ZNF516: variants seen among roughly 807,000 people sequenced by gnomAD.
ZNF516 encodes the protein zinc finger protein 516.
In ZNF516, 19 loss-of-function variants were observed where a neutral mutation model predicts 79.7. The ratio of observed to expected loss-of-function variants is 0.24; its 90% CI spans 0.17 to 0.35. ZNF516 has a LOEUF of 0.35. Ranked by LOEUF, ZNF516 falls within the 10% of genes least tolerant of loss-of-function variation. ZNF516 has a pLI of 1.00. For missense variants in ZNF516, 1,678 were observed against 1,679.5 expected, an observed-to-expected ratio of 1.00 and a Z score of 0.02; for synonymous variants, 877 against 739.5, an observed-to-expected ratio of 1.19 and a Z score of -3.02.
chr18:76,456,724 C>T (rs1912747425), intron 2 of ZNF516, among the ~76,000 whole-genome samples: 1 of 92,906 alleles, frequency 1.1e-5, no homozygotes, highest in Admixed American at 1.2e-4. Context: ...GAAGGCAAAA[C>T]TCACTGATTC....
intron 4 of ZNF516, among the ~76,000 whole-genome samples, chr18:76,377,206 G>A (rs761119377): frequency 7.2e-5 from 11 of 152,338 alleles, no homozygotes; most frequent in Non-Finnish European, 1.5e-4. Flanking sequence ...GCACATGGGC[G>A]GGGAGAAGAT....
chr18:76,362,292 AT>A lies in ZNF516; in HGVS notation c.*205del, dbSNP rs1339663238. 1.9e-6 allele frequency: 1 copy of A among 540,446 alleles called. No homozygotes were observed. Among genetic ancestry groups the A allele is most frequent in the Non-Finnish European group, 3.4e-6 (1 of 295,462 alleles). 33.5% of individuals were successfully genotyped at this position (540,446 alleles called of 1,614,324 possible). A position where few individuals can be genotyped will look rare whatever the true frequency, so the allele number is the denominator to read the frequency against. On this transcript the variant is annotated 3_prime_UTR_variant, in exon 7 of 7. Coordinates refer to ENST00000443185, the MANE Select transcript of ZNF516 (RefSeq NM_014643.4). ...TGTATTTCTAGAATATAGCATCTTC[AT>A]TTATTTCTGAACGTTTAACAAGGAG...
At chr18:76,421,215 C>T (rs1010058590) in intron 3 of ZNF516, among the ~76,000 whole-genome samples, 4 of 152,198 alleles carry the variant, frequency 2.6e-5, no homozygotes, top group African/African-American at 9.6e-5. Flanking sequence ...TGCGTTTAGG[C>T]TGGTGCATAT....
chr18:76,439,949 TA>T (rs2075793679), intron 3 of ZNF516, among the ~76,000 whole-genome samples: 1 of 152,020 alleles, frequency 6.6e-6, no homozygotes, highest in South Asian at 2.1e-4. Flanking sequence ...CATGACAAAT[TA>T]TTCAAAAAAT....
rs55928843 is a variant in ZNF516, at chr18:76,450,184, AG to A, written c.-157-6974del. On this transcript the variant is annotated intron_variant, in intron 2 of 6. Transcript: ENST00000443185. ...GAATGTTAACAACTCATGAAACTAA[AG>A]GGGGGGGGGTGTTTATTTCTAACTC... 1.3e-3 allele frequency among the ~76,000 whole-genome samples: 136 copies of A among 103,232 alleles called. 9 individuals carry two copies. Among genetic ancestry groups the A allele is most frequent in the African/African-American group, 1.1e-3 (31 of 27,730 alleles). 67.7% of individuals were successfully genotyped at this position (103,232 alleles called of 152,430 possible). A position where few individuals can be genotyped will look rare whatever the true frequency, so the allele number is the denominator to read the frequency against.
intron 3 of ZNF516, 133 bp downstream of exon 3, chr18:76,441,112 A>AAAG: frequency 8.4e-6 from 11 of 1,309,890 alleles, no homozygotes; most frequent in Non-Finnish European, 1.1e-5. Flanking sequence ...ACCTGAGCAT[A>AAAG]GGCCTAGCTG....
At chr18:76,455,652 T>C (rs1482557022) in intron 2 of ZNF516, among the ~76,000 whole-genome samples, 1 of 152,170 alleles carries the variant, frequency 6.6e-6, no homozygotes, top group Non-Finnish European at 1.5e-5. Flanking sequence ...TTCACCTTCA[T>C]GAAAACAAAC....
intron 3 of ZNF516, among the ~76,000 whole-genome samples, chr18:76,422,706 A>G (rs1276462800): frequency 1.3e-5 from 2 of 152,074 alleles, no homozygotes; most frequent in Non-Finnish European, 2.9e-5. Context: ...GGGGGCAGAC[A>G]TGGGGCACTG....
At chr18:76,409,071 T>C (rs1480048153) in intron 3 of ZNF516, among the ~76,000 whole-genome samples, 1 of 152,162 alleles carries the variant, frequency 6.6e-6, no homozygotes, top group African/African-American at 2.4e-5. Flanking sequence ...AGCAAATAAC[T>C]AGACATAATC....
intron 1 of ZNF516, among the ~76,000 whole-genome samples, chr18:76,468,609 G>A (rs908290837): frequency 4.6e-5 from 7 of 151,740 alleles, no homozygotes; most frequent in Admixed American, 1.3e-4. Flanking sequence ...TTGTAGAGAC[G>A]AGGTTTCGCC....
At position 76,429,977 on chromosome 18, in the gene ZNF516, G is replaced by T. The variant is rs2075641631; in HGVS notation, c.1810+11268C>A. ...ACCGCAGAGACTCTGTCTTGCTGGT[G>T]TGACGCACAACCTGTCCAGAACCTT... On this transcript the variant is annotated intron_variant, in intron 3 of 6. Transcript: ENST00000443185. 5.3e-5 allele frequency among the ~76,000 whole-genome samples: 8 copies of T among 152,286 alleles called. No individual in the cohort carries two copies. The South Asian group carries it at 1.7e-3, about 32-fold the overall frequency.
At chr18:76,391,554 C>T (rs1037802232) in intron 3 of ZNF516, among the ~76,000 whole-genome samples, 3 of 152,050 alleles carry the variant, frequency 2.0e-5, no homozygotes, top group African/African-American at 2.4e-5. Context: ...TAACCCTAAC[C>T]GCTCCCTCTG....
At chr18:76,472,659 C>T (rs544230349) in intron 1 of ZNF516, among the ~76,000 whole-genome samples, 2 of 152,306 alleles carry the variant, frequency 1.3e-5, no homozygotes, top group South Asian at 2.1e-4. Flanking sequence ...TCCATAAGGA[C>T]GAGTGTCCTC....
chr18:76,374,255 C>CA (rs752148459), intron 4 of ZNF516, among the ~76,000 whole-genome samples: 7 of 152,224 alleles, frequency 4.6e-5, no homozygotes, highest in Admixed American at 6.5e-5. Context: ...TTCATACTAT[C>CA]AGATCATCTA....
intron 1 of ZNF516, among the ~76,000 whole-genome samples, chr18:76,489,108 C>A (rs898698739): frequency 6.6e-6 from 1 of 152,216 alleles, no homozygotes; most frequent in African/African-American, 2.4e-5. Context: ...TAAACACAGT[C>A]TCCAGTCAGA....
At chr18:76,395,562 G>A (rs1568256452) in intron 3 of ZNF516, among the ~76,000 whole-genome samples, 1 of 152,120 alleles carries the variant, frequency 6.6e-6, no homozygotes. Flanking sequence ...GGCAGCCTCA[G>A]GGGCAGGTAC....
At chr18:76,455,732 G>A (rs979267612) in intron 2 of ZNF516, among the ~76,000 whole-genome samples, 3 of 152,158 alleles carry the variant, frequency 2.0e-5, no homozygotes, top group Admixed American at 1.3e-4. Context: ...CGTGAGATGC[G>A]CCAATGCAAG....
intron 3 of ZNF516, among the ~76,000 whole-genome samples, chr18:76,415,209 AAAAAG>A (rs1317109662): frequency 6.6e-6 from 1 of 152,204 alleles, no homozygotes; most frequent in Non-Finnish European, 1.5e-5. Context: ...TCAAAAAAAG[AAAAAG>A]AAAAGAGGAA....
chr18:76,488,446 A>T (rs1914959401), intron 1 of ZNF516, among the ~76,000 whole-genome samples: 1 of 149,204 alleles, frequency 6.7e-6, no homozygotes, highest in African/African-American at 2.4e-5. Context: ...CGAGCAGTGA[A>T]CAAACCCACG....
Sources: allele counts gnomAD v4.1 joint callset (sites outside exome capture counted in the v4.1 genomes callset), GRCh38; gene constraint gnomAD v4.1.1; transcripts MANE v1.5; gene names NCBI Gene and HGNC (gene_info 2026-07-23, HGNC 2026-07-21).